Variants in SLC8A1 observed in about 807,000 individuals in gnomAD.
SLC8A1 encodes the protein sodium/calcium exchanger 1.
Under a neutral mutation model 68.3 loss-of-function variants are expected in SLC8A1, and 18 were observed. That is an observed-to-expected ratio of 0.26 (90% CI 0.18 to 0.39). The LOEUF is 0.39. Among genes scored for constraint, SLC8A1 ranks in the 10% least tolerant of loss-of-function variants. The pLI is 1.00. For synonymous variants in SLC8A1, 475 were observed against 415.5 expected, an observed-to-expected ratio of 1.14 and a Z score of -1.74; for missense variants, 985 against 1,156.7, an observed-to-expected ratio of 0.85 and a Z score of 2.15.
At chr2:40,506,644 G>A (rs1175641159) in intron 1 of SLC8A1, among the ~76,000 whole-genome samples, 1 of 151,642 alleles carries the variant, frequency 6.6e-6, no homozygotes, top group Non-Finnish European at 1.5e-5. Context: ...AGGGTCTATA[G>A]ATTTATGGGA....
chr2:40,454,227 A>G (rs930728438), upstream of SLC8A1, among the ~76,000 whole-genome samples: 5 of 152,196 alleles, frequency 3.3e-5, no homozygotes, highest in Admixed American at 3.3e-4. Flanking sequence ...GCTTATAACT[A>G]AAGACTCCAC....
chr2:40,188,223 C>A (rs10207038), intron 2 of SLC8A1, among the ~76,000 whole-genome samples: 18,010 of 152,148 alleles, frequency 0.12, 1,165 homozygotes, highest in African/African-American at 0.13. Context: ...ATAAGACTAC[C>A]TATTTTTCTA....
intron 7 of SLC8A1, among the ~76,000 whole-genome samples, chr2:40,129,463 T>C (rs2038879715): frequency 6.6e-6 from 1 of 152,122 alleles, no homozygotes; most frequent in Non-Finnish European, 1.5e-5. Flanking sequence ...CTCGAACTCC[T>C]GGACTAAAGC....
intron 2 of SLC8A1, among the ~76,000 whole-genome samples, chr2:40,372,057 A>G (rs1227591163): frequency 6.6e-6 from 1 of 152,162 alleles, no homozygotes; most frequent in African/African-American, 2.4e-5. Flanking sequence ...CAAGGATTTG[A>G]AAAGAAGAAA....
chr2:40,278,310 A>G (rs2067038947), intron 2 of SLC8A1, among the ~76,000 whole-genome samples: 1 of 152,052 alleles, frequency 6.6e-6, no homozygotes, highest in African/African-American at 2.4e-5. Flanking sequence ...CTCTACTAAA[A>G]ATACAAAAAT....
intron 2 of SLC8A1, chr2:40,251,013 G>A (rs2062662573): frequency 6.6e-6 from 1 of 152,084 alleles, no homozygotes; most frequent in Non-Finnish European, 1.5e-5. Context: ...ACAGAACTCG[G>A]GAGAGTTAAA....
chr2:40,380,482 T>A (rs1319481949), intron 2 of SLC8A1, among the ~76,000 whole-genome samples: 1 of 152,076 alleles, frequency 6.6e-6, no homozygotes, highest in Non-Finnish European at 1.5e-5. Flanking sequence ...CTGTTTTATC[T>A]CATTTTTTTT....
chr2:40,228,495 A>C (rs1300135887), intron 2 of SLC8A1, among the ~76,000 whole-genome samples: 2 of 152,214 alleles, frequency 1.3e-5, no homozygotes, highest in Non-Finnish European at 2.9e-5. Flanking sequence ...TCAACAGTAG[A>C]AGCCAACGGC....
At chr2:40,183,834 G>C (rs1208389045) in intron 2 of SLC8A1, among the ~76,000 whole-genome samples, 3 of 152,148 alleles carry the variant, frequency 2.0e-5, no homozygotes, top group Admixed American at 1.3e-4. Flanking sequence ...ATCAAATTCT[G>C]CTTGTGGGAG....
At chr2:40,313,526 A>G (rs1396306560) in intron 2 of SLC8A1, among the ~76,000 whole-genome samples, 1 of 152,022 alleles carries the variant, frequency 6.6e-6, no homozygotes, top group African/African-American at 2.4e-5. Flanking sequence ...CCAGCAGTGT[A>G]GTTGAGTTTG....
At chr2:40,218,352 T>C (rs1265270407) in intron 2 of SLC8A1, among the ~76,000 whole-genome samples, 2 of 152,204 alleles carry the variant, frequency 1.3e-5, no homozygotes, top group Non-Finnish European at 2.9e-5. Flanking sequence ...AGGCACAGAA[T>C]TTTTGAATAA....
intron 2 of SLC8A1, among the ~76,000 whole-genome samples, chr2:40,231,040 C>A (rs1425878022): frequency 6.6e-6 from 1 of 152,196 alleles, no homozygotes; most frequent in African/African-American, 2.4e-5. Flanking sequence ...GCCACCTCTC[C>A]TAGGCCTTGC....
chr2:40,151,661 G>A (rs1030480163), intron 6 of SLC8A1, among the ~76,000 whole-genome samples: 11 of 152,114 alleles, frequency 7.2e-5, no homozygotes, highest in Admixed American at 2.6e-4. Flanking sequence ...TTTTGAACAC[G>A]TAGATTAAAA....
At chr2:40,187,395 G>A (rs543403028) in intron 2 of SLC8A1, among the ~76,000 whole-genome samples, 135 of 152,220 alleles carry the variant, frequency 8.9e-4, no homozygotes, top group African/African-American at 3.0e-3. Context: ...CTTGTTGTCC[G>A]TGCCCTGATC....
chr2:40,507,334 C>A (rs1356975984), intron 1 of SLC8A1, among the ~76,000 whole-genome samples: 1 of 151,784 alleles, frequency 6.6e-6, no homozygotes, highest in Non-Finnish European at 1.5e-5. Flanking sequence ...TGAAATATGG[C>A]CACAAAATAA....
At chr2:40,491,942 C>T (rs1705343461) in intron 1 of SLC8A1, among the ~76,000 whole-genome samples, 1 of 152,072 alleles carries the variant, frequency 6.6e-6, no homozygotes, top group Non-Finnish European at 1.5e-5. Context: ...AGATTCAATG[C>T]CATCCCCATC....
At chr2:40,401,898 A>G (rs546375433) in intron 2 of SLC8A1, among the ~76,000 whole-genome samples, 32 of 152,156 alleles carry the variant, frequency 2.1e-4, no homozygotes, top group Non-Finnish European at 4.0e-4. Context: ...CACATAAAAA[A>G]CTGTAATTGG....
At chr2:40,264,971 G>A (rs927755557) in intron 2 of SLC8A1, among the ~76,000 whole-genome samples, 2 of 152,110 alleles carry the variant, frequency 1.3e-5, no homozygotes, top group Non-Finnish European at 2.9e-5. Context: ...TGAGCACAGG[G>A]GAAGATACAC....
At chr2:40,362,667 T>G (rs917773902) in intron 2 of SLC8A1, among the ~76,000 whole-genome samples, 2 of 152,182 alleles carry the variant, frequency 1.3e-5, no homozygotes, top group Non-Finnish European at 2.9e-5. Context: ...TTGCCTTGGG[T>G]GGGTATAATA....
Sources: allele counts gnomAD v4.1 joint callset (sites outside exome capture counted in the v4.1 genomes callset), GRCh38; gene constraint gnomAD v4.1.1; transcripts MANE v1.5; gene names NCBI Gene and HGNC (gene_info 2026-07-23, HGNC 2026-07-21).